Variants in UNC5B observed in about 807,000 individuals in gnomAD.
The protein encoded by UNC5B is unc-5 netrin receptor B, also known as netrin receptor UNC5B.
A neutral mutation model predicts 103.7 loss-of-function variants in UNC5B; 56 were observed. The observed-to-expected ratio is 0.54, with a 90% CI of 0.44 to 0.67. The LOEUF is 0.67. Among genes scored for constraint, UNC5B ranks in the 30% least tolerant of loss-of-function variants. The pLI is 0.00. For missense variants in UNC5B, 1,194 were observed against 1,284.5 expected (o/e 0.93, Z 1.08); for synonymous variants, 577 against 542.0 (o/e 1.06, Z -0.90).
At position 71,295,823 on chromosome 10, in the gene UNC5B, C is replaced by G. The variant is rs1845393967; in HGVS notation, c.2188C>G (p.Leu730Val). 2 of 1,612,396 alleles carry G rather than the reference C, an allele frequency of 1.2e-6. No homozygotes were observed. Among genetic ancestry groups the G allele is most frequent in the Non-Finnish European group, 8.5e-7 (1 of 1,179,834 alleles). Residue 730 changes from leucine (L) to valine (V), a missense_variant, in exon 14 of 17, where the codon CTG (leucine) becomes GTG (valine). By Grantham distance (32) the Leu-to-Val change is conservative. Coordinates refer to ENST00000335350, the MANE Select transcript of UNC5B (RefSeq NM_170744.5). Reference sequence around the variant, plus strand: ...CCCTGGCCCACAGGAGGTGCTGGAGCTGGAGCGGACTCTGGGCGGATACTT... The same window carrying G: ...CCCTGGCCCACAGGAGGTGCTGGAGGTGGAGCGGACTCTGGGCGGATACTT... ...TPVALKEVLE[L>V]ERTLGGYLVE...
intron 1 of UNC5B, among the ~76,000 whole-genome samples, chr10:71,225,949 G>A (rs1273749769): frequency 1.3e-5 from 2 of 152,202 alleles, no homozygotes; most frequent in Admixed American, 1.3e-4. Flanking sequence ...CCTGTGGTGG[G>A]TTGAGGAGGA....
At position 71,250,237 on chromosome 10, in the gene UNC5B, T is replaced by C. The variant is rs370191120; in HGVS notation, c.80-29584T>C. Among the ~76,000 whole-genome samples, 1,169 of 152,134 alleles carry C rather than the reference T, an allele frequency of 7.7e-3. 16 individuals carry two copies. The highest frequency in any genetic ancestry group is 0.027 in the African/African-American group (1,114 of 41,480). On this transcript the variant is annotated intron_variant, in intron 1 of 16. Transcript: ENST00000335350. ...GGTGGGGGAGACATCAGAACTCCTT[T>C]CCCCCCGGCCCTAGGGATGACCCCG...
chr10:71,243,302 A>C (rs971886647), intron 1 of UNC5B, among the ~76,000 whole-genome samples: 2 of 152,090 alleles, frequency 1.3e-5, no homozygotes, highest in Non-Finnish European at 2.9e-5. Context: ...CCTGGGCTTC[A>C]GATCAGTTTC....
chr10:71,277,422 G>A (rs557159825), intron 1 of UNC5B, among the ~76,000 whole-genome samples: 12 of 152,342 alleles, frequency 7.9e-5, no homozygotes, highest in South Asian at 2.1e-4. Context: ...GGGCTGAGAC[G>A]GAGACAAGAT....
chr10:71,284,810 C>G lies in UNC5B; in HGVS notation c.395C>G (p.Ala132Gly). ...GAGGATTACTGGTGCCAGTGCGTGG[C>G]CTGGAGCTCCGCGGGCACCACCAAG... ...GLEDYWCQCV[A>G]WSSAGTTKSR... The change falls in exon 3 of 17, where the codon GCC becomes GGC. Residue 132 changes from alanine to glycine, a missense_variant. Transcript: ENST00000335350. 6.2e-7 allele frequency: 1 copy of G among 1,613,760 alleles called. No homozygotes were observed. Among genetic ancestry groups the G allele is most frequent in the Non-Finnish European group, 8.5e-7 (1 of 1,179,920 alleles).
chr10:71,277,302 G>C (rs1416569323), intron 1 of UNC5B, among the ~76,000 whole-genome samples: 1 of 152,254 alleles, frequency 6.6e-6, no homozygotes, highest in Non-Finnish European at 1.5e-5. Context: ...CCCCCAGAGG[G>C]AGGCTCAATC....
chr10:71,251,667 C>A (rs1179451653), intron 1 of UNC5B, among the ~76,000 whole-genome samples: 4 of 152,184 alleles, frequency 2.6e-5, no homozygotes, highest in African/African-American at 9.7e-5. Flanking sequence ...GCAGAGTATA[C>A]ATGGTTCCTG....
At chr10:71,287,464 CACT>C in intron 5 of UNC5B, 131 bp from the exon 6 acceptor site, 2 of 1,140,110 alleles carry the variant, frequency 1.8e-6, no homozygotes, top group Non-Finnish European at 2.5e-6. Context: ...TGAGTCCCTA[CACT>C]GTAGGCAAAA....
At chr10:71,220,312 T>C (rs2132236863) in intron 1 of UNC5B, among the ~76,000 whole-genome samples, 1 of 152,324 alleles carries the variant, frequency 6.6e-6, no homozygotes, top group African/African-American at 2.4e-5. Context: ...ATCTCCCTAC[T>C]TTCTGCCCTG....
Position 71,284,850 on chromosome 10 carries a change from C to T in UNC5B, c.435C>T (p.Tyr145=), listed in dbSNP as rs1485467322. The T allele has an allele frequency of 4.4e-6, 7 of 1,607,574 alleles. No homozygotes were observed. Among genetic ancestry groups the T allele is most frequent in the East Asian group, 2.2e-5 (1 of 44,834 alleles). ...GCACCACCAAGAGTCGCCGAGCCTA[C>T]GTCCGCATCGCCTGTACGCCACCCT... is the stretch of plus-strand genomic sequence containing the variant. ...SAGTTKSRRA[Y]VRIAYLRKNF... The change falls in exon 3 of 17, where the codon TAC becomes TAT. Residue 145 remains tyrosine (Y), a synonymous_variant. Coordinates refer to ENST00000335350, the MANE Select transcript of UNC5B (RefSeq NM_170744.5).
In UNC5B at chr10:71,300,154, TCA is replaced by T. The variant is rs1437016854; in HGVS notation, c.*878_*879del. On this transcript the variant is annotated 3_prime_UTR_variant, in exon 17 of 17. Coordinates refer to ENST00000335350, the MANE Select transcript of UNC5B (RefSeq NM_170744.5). ...TCTTGGACTAAATTCTGACAAGGCCTCAGTTTCCCCAGTTGTGCAGGGAGTAG... is the reference window on the plus strand; with the variant it reads ...TCTTGGACTAAATTCTGACAAGGCCTGTTTCCCCAGTTGTGCAGGGAGTAG... The T allele has an allele frequency of 3.9e-5, 6 of 152,146 alleles. No homozygotes were observed. Among genetic ancestry groups the T allele is most frequent in the Non-Finnish European group, 8.8e-5 (6 of 68,044 alleles). The allele number at this position is 152,146 out of a possible 1,614,324, so 9.4% of individuals were successfully genotyped here. A position where few individuals can be genotyped will look rare whatever the true frequency, so the allele number is the denominator to read the frequency against.
At chr10:71,222,005 T>C (rs1249191521) in intron 1 of UNC5B, among the ~76,000 whole-genome samples, 1 of 152,284 alleles carries the variant, frequency 6.6e-6, no homozygotes, top group South Asian at 2.1e-4. Context: ...ATCATCATCA[T>C]CATCATCATC....
chr10:71,288,880 T>C (rs1845170233), intron 7 of UNC5B, 78 bp from the exon 8 acceptor site: 3 of 1,580,208 alleles, frequency 1.9e-6, no homozygotes, highest in Non-Finnish European at 2.6e-6. Context: ...TCATCTCATC[T>C]CATCCTTCCC....
intron 1 of UNC5B, among the ~76,000 whole-genome samples, chr10:71,252,432 C>T (rs1481049877): frequency 2.0e-5 from 3 of 152,174 alleles, no homozygotes; most frequent in East Asian, 3.9e-4. Flanking sequence ...TCTGTGAGAG[C>T]GCTTTCAAAT....
At chr10:71,282,376 T>G (rs1425191714) in intron 2 of UNC5B, among the ~76,000 whole-genome samples, 2 of 152,222 alleles carry the variant, frequency 1.3e-5, no homozygotes, top group Non-Finnish European at 2.9e-5. Context: ...ATGCTGGGCC[T>G]CAAGCCTGGG....
At chr10:71,267,336 A>G (rs1228318830) in intron 1 of UNC5B, among the ~76,000 whole-genome samples, 1 of 152,186 alleles carries the variant, frequency 6.6e-6, no homozygotes, top group Non-Finnish European at 1.5e-5. Context: ...AAGAGCCTGG[A>G]GATTGAAAAA....
At chr10:71,262,733 C>G (rs551809319) in intron 1 of UNC5B, among the ~76,000 whole-genome samples, 1 of 152,154 alleles carries the variant, frequency 6.6e-6, no homozygotes, top group Non-Finnish European at 1.5e-5. Context: ...TGATTACCCT[C>G]TAGTCACCCC....
At position 71,286,866 on chromosome 10, in the gene UNC5B, T is replaced by C. The variant is rs369230731; in HGVS notation, c.730T>C (p.Tyr244His). 9 of 1,613,714 alleles carry C rather than the reference T, an allele frequency of 5.6e-6. 1 individual carries two copies. Among genetic ancestry groups the C allele is most frequent in the Middle Eastern group, 3.3e-4 (2 of 6,082 alleles). The change falls in exon 5 of 17, where the codon TAC becomes CAC. Residue 244 changes from tyrosine to histidine, a missense_variant. Coordinates refer to ENST00000335350, the MANE Select transcript of UNC5B (RefSeq NM_170744.5). ...RRSTTATVIV[Y>H]VNGGWSSWAE... The stretch of plus-strand genomic sequence containing the variant: ...GAGCACCACTGCCACCGTCATCGTC[T>C]ACGGTGCGGGCCTTTCGGAGTGGGA...
intron 1 of UNC5B, among the ~76,000 whole-genome samples, chr10:71,271,071 T>A (rs1419580789): frequency 6.6e-6 from 1 of 152,008 alleles, no homozygotes; most frequent in East Asian, 1.9e-4. Flanking sequence ...TACTCCTGGA[T>A]CTCGGTTTGG....
Sources: gnomAD v4.1 joint callset for allele counts (sites outside exome capture counted in the v4.1 genomes callset) on GRCh38, gnomAD v4.1.1 for gene constraint, MANE v1.5 for transcripts, NCBI Gene and HGNC (gene_info 2026-07-23, HGNC 2026-07-21) for gene names.